The following UBR4 variants were observed in gnomAD, a reference collection of about 807,000 sequenced individuals.
The protein encoded by UBR4 is ubiquitin protein ligase E3 component n-recognin 4.
UBR4 carries 124 observed loss-of-function variants against 575.6 expected under a neutral mutation model. The observed-to-expected ratio is 0.22, with a 90% CI of 0.19 to 0.25. UBR4 has a LOEUF of 0.25. UBR4 is among the 10% of genes least tolerant of loss of function. UBR4 has a pLI of 1.00. For synonymous variants in UBR4, 2,455 were observed against 2,473.7 expected, an observed-to-expected ratio of 0.99 and a Z score of 0.22; for missense variants, 4,818 against 6,478.8, an observed-to-expected ratio of 0.74 and a Z score of 8.80.
chr1:19,138,034 G>GTTTCTC lies in UBR4; in HGVS notation c.8873_8878dup (p.Glu2959_Thr2960insArgGlu). ...GTTGCTAGTGTGGACATCTCCTTCA[G>GTTTCTC]TTTCTCCTTCTCCTTCTCCCTCGGA... On this transcript the variant is annotated inframe_insertion, in exon 60 of 106. Coordinates refer to ENST00000375254, the MANE Select transcript of UBR4 (RefSeq NM_020765.3). 1 of 1,573,816 alleles carries GTTTCTC rather than the reference G, an allele frequency of 6.4e-7. No individual in the cohort carries two copies. Among genetic ancestry groups the GTTTCTC allele is most frequent in the Non-Finnish European group, 8.7e-7 (1 of 1,154,734 alleles).
chr1:19,145,614 T>C (rs909163030), intron 53 of UBR4, among the ~76,000 whole-genome samples, 179 bp downstream of exon 53: 2 of 151,922 alleles, frequency 1.3e-5, no homozygotes, highest in African/African-American at 4.8e-5. Context: ...TCTGCCACAC[T>C]GCTAAATTCC....
At chr1:19,147,560 T>G (rs1189823001) in intron 51 of UBR4, among the ~76,000 whole-genome samples, 1 of 152,198 alleles carries the variant, frequency 6.6e-6, no homozygotes, top group East Asian at 1.9e-4. Flanking sequence ...TTTCCCCAGA[T>G]GTTCCCATCA....
intron 58 of UBR4, among the ~76,000 whole-genome samples, chr1:19,140,200 T>C (rs2083703270): frequency 7.2e-6 from 1 of 138,396 alleles, no homozygotes; most frequent in Non-Finnish European, 1.5e-5. Context: ...GGTCCAACTC[T>C]CTATTCAGGA....
intron 49 of UBR4, 57 bp downstream of exon 49, chr1:19,150,520 G>A: frequency 1.3e-6 from 2 of 1,572,592 alleles, no homozygotes; most frequent in Non-Finnish European, 8.7e-7. Context: ...ACACAGGAAG[G>A]TTCTGCAGTG....
intron 57 of UBR4, 45 bp from the exon 58 acceptor site, chr1:19,140,937 C>T (rs1475063425): frequency 6.4e-7 from 1 of 1,553,960 alleles, no homozygotes; most frequent in African/African-American, 1.4e-5. Flanking sequence ...CTCCAGGTCC[C>T]ATCCACAGCG....
intron 50 of UBR4, 130 bp from the exon 51 acceptor site, chr1:19,148,257 GA>G (rs199984248): frequency 0.042 from 36,240 of 862,640 alleles, 2 homozygotes; most frequent in South Asian, 0.066. Context: ...ACTGCAAAGA[GA>G]AAAAAAAAAA....
At chr1:19,192,971 CAG>C (rs958358460) in intron 9 of UBR4, among the ~76,000 whole-genome samples, 84 of 152,176 alleles carry the variant, frequency 5.5e-4, no homozygotes, top group African/African-American at 2.0e-3. Context: ...TTAGTAGAGA[CAG>C]GGTTTCACCA....
At chr1:19,101,755 A>C in intron 87 of UBR4, 114 bp from the exon 88 acceptor site, 1 of 1,482,638 alleles carries the variant, frequency 6.7e-7, no homozygotes. Context: ...GTAAGTCTTT[A>C]AATGCCCTAC....
chr1:19,124,643 T>C lies in UBR4; in HGVS notation c.9486A>G (p.Glu3162=). Residue 3162 remains glutamate, a synonymous_variant, in exon 65 of 106, where the codon GAA becomes GAG. Transcript: ENST00000375254. Reference sequence around the variant, plus strand: ...TTTGGTAAGGAAGCCTCAGTACCATTTCTGTTAGAAGCTGAGTATAGGCCT... The same window carrying C: ...TTTGGTAAGGAAGCCTCAGTACCATCTCTGTTAGAAGCTGAGTATAGGCCT... ...VFEAYTQLLT[E]MVLRLPYQIK... is the part of the protein sequence containing the mutation. 1.2e-6 allele frequency: 2 copies of C among 1,614,178 alleles called. No individual in the cohort carries two copies. Among genetic ancestry groups the C allele is most frequent in the Non-Finnish European group, 1.7e-6 (2 of 1,180,010 alleles).
At chr1:19,104,280 C>T (rs759755303) in intron 86 of UBR4, 23 bp from the exon 87 acceptor site, 2 of 1,611,566 alleles carry the variant, frequency 1.2e-6, no homozygotes, top group South Asian at 1.1e-5. Flanking sequence ...GAAAATGTTG[C>T]TGTGAGAGCT....
At position 19,110,343 on chromosome 1, in the gene UBR4, A is replaced by G. The variant is rs770327204; in HGVS notation, c.11977+37T>C. 6.2e-7 allele frequency: 1 copy of G among 1,613,728 alleles called. No homozygotes were observed. Among genetic ancestry groups the G allele is most frequent in the South Asian group, 1.1e-5 (1 of 91,052 alleles). On this transcript the variant is annotated intron_variant, in intron 80 of 105. Transcript: ENST00000375254. This position sits in a 1 kb window ranked among gnomAD's most constrained non-coding sequence, Gnocchi z 4.5. ...CAGTCCGGCCAGGACTGCTCCTTTGAGCCTCCTTTCCTTTCTCTGAAAATC... is the reference window on the plus strand; with the variant it reads ...CAGTCCGGCCAGGACTGCTCCTTTGGGCCTCCTTTCCTTTCTCTGAAAATC...
In UBR4 at chr1:19,150,677, A is replaced by C; in HGVS notation, c.7330T>G (p.Ser2444Ala). Residue 2444 changes from serine (S) to alanine (A), a missense_variant, in exon 49 of 106, where the codon TCT (serine) becomes GCT (alanine). Around this residue, in one of 29 missense-constraint regions of UBR4, gnomAD observed 340 missense variants for 375.4 expected, o/e 0.91. Transcript: ENST00000375254. ...TTTGAAGGGCAGATGTTGCTGACAG[A>C]GGCAGAAGGGAATTCTTCTGGGGGC... ...DEPPEEFPSA[S>A]VSNICPSNLN... 6.2e-7 allele frequency: 1 copy of C among 1,614,152 alleles called. No individual in the cohort carries two copies. The highest frequency in any genetic ancestry group is 8.5e-7 in the Non-Finnish European group (1 of 1,180,028).
At chr1:19,191,598 G>A (rs1044642631) in intron 11 of UBR4, among the ~76,000 whole-genome samples, 5 of 152,098 alleles carry the variant, frequency 3.3e-5, no homozygotes, top group African/African-American at 7.2e-5. Flanking sequence ...TGTTTCTCCA[G>A]ATATAAAATA....
intron 39 of UBR4, among the ~76,000 whole-genome samples, chr1:19,159,282 A>C (rs2086915316): frequency 6.6e-6 from 1 of 152,244 alleles, no homozygotes; most frequent in Non-Finnish European, 1.5e-5. Context: ...AGGCCACATC[A>C]GAAGTCTATA....
chr1:19,189,970 C>A (rs947867441), intron 11 of UBR4, among the ~76,000 whole-genome samples: 6 of 151,948 alleles, frequency 3.9e-5, no homozygotes, highest in African/African-American at 1.5e-4. Context: ...GGTCAAATGC[C>A]CCTGTTCTAA....
rs752033270 is a variant in UBR4 at position 19,153,524 on chromosome 1, G to C, written c.6631-22C>G. 1 of 1,612,620 alleles carries C rather than the reference G, an allele frequency of 6.2e-7. No individual in the cohort carries two copies. Among genetic ancestry groups the C allele is most frequent in the South Asian group, 1.1e-5 (1 of 90,976 alleles). On this transcript the variant is annotated intron_variant, in intron 45 of 105. Transcript: ENST00000375254. This position sits in a 1 kb window ranked among gnomAD's most constrained non-coding sequence, Gnocchi z 4.1. Reference sequence around the variant, plus strand: ...GGATCTAGGAGGAGAGGACAAAGGAGGGTCTTCGTTCCCACACCCACAGAT... The same window carrying C: ...GGATCTAGGAGGAGAGGACAAAGGACGGTCTTCGTTCCCACACCCACAGAT...
At chr1:19,114,393 T>C (rs1490302172) in intron 75 of UBR4, among the ~76,000 whole-genome samples, 2 of 152,204 alleles carry the variant, frequency 1.3e-5, no homozygotes, top group African/African-American at 4.8e-5. Flanking sequence ...GTTAACCCTA[T>C]AGGTGCCCCT....
At position 19,094,945 on chromosome 1, in the gene UBR4, A is replaced by T. The variant is rs778276988; in HGVS notation, c.13707T>A (p.Ile4569=). Residue 4569 remains isoleucine (I), a synonymous_variant, in exon 94 of 106, where the codon ATT becomes ATA. Transcript: ENST00000375254. ...AEQVLSIMEI[I]LDESNAEPLS... is the part of the protein sequence containing the mutation. ...GGGGCTCAGCATTGGACTCATCTAG[A>T]ATGATCTCCATGATGCTAAGCACCT... is the stretch of plus-strand genomic sequence containing the variant. The T allele has an allele frequency of 1.1e-5, 17 of 1,613,926 alleles. No homozygotes were observed. Among genetic ancestry groups the T allele is most frequent in the Non-Finnish European group, 1.4e-5 (16 of 1,180,028 alleles).
At position 19,078,002 on chromosome 1, in the gene UBR4, C is replaced by A. The variant is rs769843379; in HGVS notation, c.15298G>T (p.Val5100Phe). 1.2e-6 allele frequency: 2 copies of A among 1,613,976 alleles called. 1 individual carries two copies. Among genetic ancestry groups the A allele is most frequent in the South Asian group, 2.2e-5 (2 of 91,078 alleles). Residue 5100 changes from valine (V) to phenylalanine (F), a missense_variant, in exon 104 of 106, where the codon GTC becomes TTC. Transcript: ENST00000375254. ...TTAAACATGTTGTAAATGAGATCGA[C>A]GAGGGCCCAAAAGAGAAGGGAAGAA... is the stretch of plus-strand genomic sequence containing the variant. The part of the protein sequence containing the change: ...YRSSLLFWAL[V>F]DLIYNMFKKV...
Sources: gnomAD v4.1 joint callset for allele counts (sites outside exome capture counted in the v4.1 genomes callset) on GRCh38, gnomAD v4.1.1 for gene constraint, gnomAD v4.1.1 regional missense constraint, Gnocchi (gnomAD v3.1) non-coding constraint, MANE v1.5 for transcripts, NCBI Gene and HGNC (gene_info 2026-07-23, HGNC 2026-07-21) for gene names.